Variants in CTNNA2 observed in about 807,000 individuals in gnomAD.
CTNNA2 encodes catenin alpha-2.
In CTNNA2, 42 loss-of-function variants were observed where a neutral mutation model predicts 101.0. The observed-to-expected ratio is 0.42, with a 90% CI of 0.32 to 0.54. The LOEUF is 0.54. CTNNA2 is among the 20% of genes least tolerant of loss of function. CTNNA2 has a pLI of 0.14. For missense variants in CTNNA2, 871 were observed against 1,223.1 expected (o/e 0.71, Z 4.29); for synonymous variants, 450 against 456.4 (o/e 0.99, Z 0.18).
At chr2:80,019,807 G>T (rs1694425112) in intron 7 of CTNNA2, among the ~76,000 whole-genome samples, 1 of 152,116 alleles carries the variant, frequency 6.6e-6, no homozygotes, top group African/African-American at 2.4e-5. Context: ...TCATACTTCT[G>T]TTCTCTCTCT....
At chr2:80,481,184 A>G (rs2149499834) in intron 9 of CTNNA2, among the ~76,000 whole-genome samples, 1 of 152,294 alleles carries the variant, frequency 6.6e-6, no homozygotes, top group African/African-American at 2.4e-5. Context: ...AAATTAGTGC[A>G]AGAGAGAAGT....
At chr2:80,597,480 G>A (rs892130518) in intron 15 of CTNNA2, among the ~76,000 whole-genome samples, 5 of 152,012 alleles carry the variant, frequency 3.3e-5, no homozygotes, top group East Asian at 3.9e-4. Context: ...AAATGGGATC[G>A]AATTAATCTA....
intron 2 of CTNNA2, among the ~76,000 whole-genome samples, chr2:79,735,969 T>C (rs1299718344): frequency 6.6e-6 from 1 of 152,198 alleles, no homozygotes; most frequent in Admixed American, 6.5e-5. Context: ...GTAACTTTGG[T>C]TCTTATTATT....
At chr2:79,550,967 A>G (rs1369222928) in intron 1 of CTNNA2, among the ~76,000 whole-genome samples, 2 of 152,224 alleles carry the variant, frequency 1.3e-5, no homozygotes, top group African/African-American at 4.8e-5. Context: ...GAATAGAGGA[A>G]TAATGGAATC....
intron 2 of CTNNA2, among the ~76,000 whole-genome samples, chr2:79,711,926 A>C (rs1221769182): frequency 6.6e-6 from 1 of 152,170 alleles, no homozygotes; most frequent in African/African-American, 2.4e-5. Flanking sequence ...TTAGCCATTT[A>C]AAAAGATAGA....
At chr2:80,347,516 G>T (rs1559030821) in intron 7 of CTNNA2, among the ~76,000 whole-genome samples, 2 of 152,154 alleles carry the variant, frequency 1.3e-5, no homozygotes, top group African/African-American at 2.4e-5. Flanking sequence ...ATTTATATTT[G>T]ATTTTGAAAT....
chr2:79,869,651 A>C (rs931989064), intron 4 of CTNNA2, among the ~76,000 whole-genome samples, 165 bp from the exon 5 acceptor site: 1 of 152,224 alleles, frequency 6.6e-6, no homozygotes, highest in Non-Finnish European at 1.5e-5. Flanking sequence ...TAACTATTTA[A>C]TCTGACTACA....
intron 3 of CTNNA2, among the ~76,000 whole-genome samples, chr2:79,750,462 G>A (rs1171293191): frequency 6.6e-6 from 1 of 152,188 alleles, no homozygotes; most frequent in Non-Finnish European, 1.5e-5. Context: ...TATCAGCCCT[G>A]CTTAGATTAC....
chr2:80,305,980 A>T (rs1433848922), intron 7 of CTNNA2, among the ~76,000 whole-genome samples: 1 of 152,176 alleles, frequency 6.6e-6, no homozygotes, highest in Admixed American at 6.5e-5. Context: ...CTTTGATAGG[A>T]ATGAGGGTGG....
intron 7 of CTNNA2, among the ~76,000 whole-genome samples, chr2:80,135,598 A>G (rs1702650554): frequency 1.3e-5 from 2 of 152,102 alleles, no homozygotes; most frequent in Non-Finnish European, 2.9e-5. Flanking sequence ...GTTGTCTGTA[A>G]ATCTGTCCTG....
chr2:79,948,998 T>G (rs1330890178), intron 7 of CTNNA2, among the ~76,000 whole-genome samples: 4 of 151,838 alleles, frequency 2.6e-5, no homozygotes, highest in Admixed American at 2.6e-4. Flanking sequence ...ATAAAATAAA[T>G]GGATAAATAA....
chr2:79,496,754 TA>T (rs1671260746), intron 4 of CTNNA2, among the ~76,000 whole-genome samples: 1 of 151,920 alleles, frequency 6.6e-6, no homozygotes, highest in Admixed American at 6.6e-5. Context: ...CCCTTTGAAC[TA>T]TACATAGAAG....
intron 7 of CTNNA2, among the ~76,000 whole-genome samples, chr2:79,991,509 CG>C (rs1170482398): frequency 2.0e-5 from 3 of 152,100 alleles, no homozygotes. Context: ...ATACCCAGCT[CG>C]CAGAGTTGTT....
At chr2:79,462,491 T>G (rs1477772384) in intron 4 of CTNNA2, among the ~76,000 whole-genome samples, 3 of 152,174 alleles carry the variant, frequency 2.0e-5, no homozygotes, top group African/African-American at 7.2e-5. Context: ...AGGCCCTGAT[T>G]CCTTAAGTGA....
chr2:80,245,070 G>A (rs1301562801), intron 7 of CTNNA2, among the ~76,000 whole-genome samples: 1 of 152,200 alleles, frequency 6.6e-6, no homozygotes, highest in African/African-American at 2.4e-5. Context: ...CTTGCAAAGT[G>A]TTCACAGTCG....
chr2:79,248,929 A>G (rs1486756773), intron 2 of CTNNA2, among the ~76,000 whole-genome samples: 1 of 152,146 alleles, frequency 6.6e-6, no homozygotes, highest in East Asian at 1.9e-4. Context: ...TTCCCAAATC[A>G]GTTTTTCAAC....
intron 7 of CTNNA2, among the ~76,000 whole-genome samples, chr2:80,092,542 T>C (rs754858080): frequency 1.3e-5 from 2 of 152,136 alleles, no homozygotes; most frequent in Non-Finnish European, 2.9e-5. Flanking sequence ...TGACAATTCC[T>C]GTTCAGTGAC....
intron 4 of CTNNA2, among the ~76,000 whole-genome samples, chr2:79,385,277 G>A (rs1385840376): frequency 6.6e-6 from 1 of 152,062 alleles, no homozygotes; most frequent in African/African-American, 2.4e-5. Flanking sequence ...CCTGTTTGTT[G>A]GCCACTTTGC....
intron 13 of CTNNA2, among the ~76,000 whole-genome samples, chr2:80,574,879 GT>G (rs747225143): frequency 1.3e-5 from 2 of 152,024 alleles, no homozygotes; most frequent in African/African-American, 4.8e-5. Context: ...CTTCCAAAAT[GT>G]TGTCTAAATA....
Sources: gnomAD v4.1 joint callset for allele counts (sites outside exome capture counted in the v4.1 genomes callset) on GRCh38, gnomAD v4.1.1 for gene constraint, MANE v1.5 for transcripts, NCBI Gene and HGNC (gene_info 2026-07-23, HGNC 2026-07-21) for gene names.